Variants in UBOX5 observed in about 807,000 individuals in gnomAD.
UBOX5 encodes U-box domain containing 5.
A neutral mutation model predicts 39.0 loss-of-function variants in UBOX5; 28 were observed. That is an observed-to-expected ratio of 0.72 (90% CI 0.53 to 0.98). UBOX5 has a LOEUF of 0.98. Among genes scored for constraint, UBOX5 ranks in the 50% least tolerant of loss-of-function variants. The pLI is 0.00. For synonymous variants in UBOX5, 283 were observed against 275.5 expected (o/e 1.03, Z -0.27); for missense variants, 585 against 674.4 (o/e 0.87, Z 1.47).
chr20:3,126,662 A>AGGAGGGAAGAGAG (rs1480993574), intron 1 of UBOX5, among the ~76,000 whole-genome samples: 2 of 150,920 alleles, frequency 1.3e-5, no homozygotes, highest in African/African-American at 4.9e-5. Flanking sequence ...AAGACAGAGA[A>AGGAGGGAAGAGAG]GGAGGGAAGA....
intron 4 of UBOX5, among the ~76,000 whole-genome samples, chr20:3,114,018 C>CA (rs560108844): frequency 2.4e-4 from 37 of 152,252 alleles, no homozygotes; most frequent in African/African-American, 7.7e-4. Flanking sequence ...CCTGTAATCC[C>CA]AGCTACTTGG....
intron 1 of UBOX5, among the ~76,000 whole-genome samples, chr20:3,154,074 A>G (rs2066660122): frequency 6.6e-6 from 1 of 152,212 alleles, no homozygotes; most frequent in Non-Finnish European, 1.5e-5. Flanking sequence ...CAAAGTAAGG[A>G]GAGCTACCAC....
chr20:3,150,939 G>A (rs144364047), intron 1 of UBOX5: 73 of 152,238 alleles, frequency 4.8e-4, no homozygotes, highest in African/African-American at 1.7e-3. Context: ...TTGGAGTATA[G>A]TGGCATGATA....
chr20:3,115,351 AAGGT>A lies in UBOX5; in HGVS notation c.1367_1370del (p.His456LeufsTer66). The A allele has an allele frequency of 6.2e-7, 1 of 1,613,958 alleles. No homozygotes were observed. The highest frequency in any genetic ancestry group is 8.5e-7 in the Non-Finnish European group (1 of 1,179,926). ...AGGAAGTGTTGCTCCCTCTTGTGCC[AAGGT>A]GCTGGAGCTGTCCCCTGGTCAGCCG... On this transcript the variant is annotated frameshift_variant, in exon 4 of 5. Coordinates refer to ENST00000217173, the MANE Select transcript of UBOX5 (RefSeq NM_014948.4). LOFTEE classifies it high-confidence loss of function.
At chr20:3,113,181 T>A (rs1477305663) in intron 4 of UBOX5, among the ~76,000 whole-genome samples, 2 of 140,456 alleles carry the variant, frequency 1.4e-5, no homozygotes, top group Admixed American at 7.4e-5. Context: ...CAGCTACTAG[T>A]GGGGGCTGAG....
chr20:3,116,658 G>A (rs568724967), intron 3 of UBOX5: 3 of 152,304 alleles, frequency 2.0e-5, no homozygotes, highest in Admixed American at 1.3e-4. Context: ...AGGAGTTTCT[G>A]AAGGTCATGT....
At chr20:3,131,249 C>G (rs2066427245) in intron 1 of UBOX5, among the ~76,000 whole-genome samples, 1 of 151,682 alleles carries the variant, frequency 6.6e-6, no homozygotes, top group Non-Finnish European at 1.5e-5. Flanking sequence ...AAAGAAAATG[C>G]CTCTTTGAAC....
chr20:3,109,548 GGTGC>G lies in UBOX5; in HGVS notation c.*554_*557del. 24 of 162,968 alleles carry G rather than the reference GGTGC, an allele frequency of 1.5e-4. No homozygotes were observed. The highest frequency in any genetic ancestry group is 1.3e-3 in the South Asian group (8 of 5,954). The allele number at this position is 162,968 out of a possible 1,614,324, so 10.1% of individuals were successfully genotyped here. A position where few individuals can be genotyped will look rare whatever the true frequency, so the allele number is the denominator to read the frequency against. On this transcript the variant is annotated 3_prime_UTR_variant, in exon 5 of 5. Coordinates refer to ENST00000217173, the MANE Select transcript of UBOX5 (RefSeq NM_014948.4). ...CTACCCTGTGAGCTCCACTTGTGTG[GGTGC>G]AGGTGGGCGACAGGAGTGTGTGACA...
intron 1 of UBOX5, among the ~76,000 whole-genome samples, chr20:3,125,920 C>A (rs554720080): frequency 3.6e-4 from 55 of 151,834 alleles, no homozygotes; most frequent in African/African-American, 1.3e-3. Flanking sequence ...CCAGCCGCCC[C>A]GTCTGGGAAG....
chr20:3,128,934 G>A (rs1269706455), intron 1 of UBOX5, among the ~76,000 whole-genome samples: 1 of 152,154 alleles, frequency 6.6e-6, no homozygotes, highest in Non-Finnish European at 1.5e-5. Flanking sequence ...ATATAGAAAT[G>A]TGGAAACCTT....
chr20:3,149,672 T>C lies in UBOX5; in HGVS notation c.-42+10094A>G, dbSNP rs147474024. On this transcript the variant is annotated intron_variant, in intron 1 of 4. Transcript: ENST00000217173. The surrounding 1 kb of genome is among the most constrained non-coding windows in gnomAD (Gnocchi z 4.1). ...ACAGGTCCTACCTGAAGAATGTTTA[T>C]AAAAACTGCTATGCTAACAGCACTA... 1.8e-3 allele frequency among the ~76,000 whole-genome samples: 267 copies of C among 152,330 alleles called. No individual in the cohort carries two copies. Among genetic ancestry groups the C allele is most frequent in the African/African-American group, 6.2e-3 (257 of 41,586 alleles).
chr20:3,110,638 A>T, intron 4 of UBOX5: 1 of 381,652 alleles, frequency 2.6e-6, no homozygotes, highest in Non-Finnish European at 5.0e-6. Flanking sequence ...ATAGGTGGCC[A>T]AGGCTGGAGC....
intron 1 of UBOX5, among the ~76,000 whole-genome samples, chr20:3,159,488 T>C (rs1417271937): frequency 6.6e-6 from 1 of 152,222 alleles, no homozygotes; most frequent in Non-Finnish European, 1.5e-5. Context: ...GTGAGACAAG[T>C]ACTGTTACGA....
At position 3,149,101 on chromosome 20, in the gene UBOX5, C is replaced by G; in HGVS notation, c.-42+10665G>C. 1 of 1,580,490 alleles carries G rather than the reference C, an allele frequency of 6.3e-7. No individual in the cohort carries two copies. The highest frequency in any genetic ancestry group is 8.6e-7 in the Non-Finnish European group (1 of 1,163,302). ...TGTCAGTATTGATCTCTTTGGCAGTCAGAATACAGTCCTCACAGATTTGAC... is the reference window on the plus strand; with the variant it reads ...TGTCAGTATTGATCTCTTTGGCAGTGAGAATACAGTCCTCACAGATTTGAC... On this transcript the variant is annotated intron_variant, in intron 1 of 4. Transcript: ENST00000217173. The surrounding 1 kb of genome is among the most constrained non-coding windows in gnomAD (Gnocchi z 4.1).
chr20:3,111,733 A>G (rs1284546649), intron 4 of UBOX5: 1 of 152,510 alleles, frequency 6.6e-6, no homozygotes, highest in Non-Finnish European at 1.5e-5. Flanking sequence ...AGAGCCCACC[A>G]GCCCTTCTCA....
intron 4 of UBOX5, 57 bp downstream of exon 4, chr20:3,115,248 G>A: frequency 6.5e-7 from 1 of 1,550,080 alleles, no homozygotes; most frequent in Non-Finnish European, 8.7e-7. Context: ...AGCATCCAGA[G>A]ACAGAAAACA....
rs1308597556 is a variant in UBOX5, at chr20:3,110,315, C to T, written c.1418-1G>A. 1 of 1,613,898 alleles carries T rather than the reference C, an allele frequency of 6.2e-7. No individual in the cohort carries two copies. Among genetic ancestry groups the T allele is most frequent in the Non-Finnish European group, 8.5e-7 (1 of 1,179,974 alleles). ...GGGCCCAGGATGCTCCCAGGCTGCT[C>T]TGGTAAATCAGGAAGGAAAACAGGC... On this transcript the variant is annotated splice_acceptor_variant, in intron 4 of 4. Coordinates refer to ENST00000217173, the MANE Select transcript of UBOX5 (RefSeq NM_014948.4). LOFTEE classifies it high-confidence loss of function.
intron 1 of UBOX5, chr20:3,147,981 G>A (rs757258714): frequency 1.2e-5 from 19 of 1,614,136 alleles, no homozygotes; most frequent in South Asian, 1.1e-4. Context: ...TGAGTGAAAC[G>A]GAACATTTTA....
intron 1 of UBOX5, chr20:3,147,010 T>C: frequency 6.2e-7 from 1 of 1,614,220 alleles, no homozygotes; most frequent in Non-Finnish European, 8.5e-7. Flanking sequence ...GCATGCAGGC[T>C]GCGGGGCACA....
Sources: allele counts gnomAD v4.1 joint callset (sites outside exome capture counted in the v4.1 genomes callset), GRCh38; gene constraint gnomAD v4.1.1; non-coding constraint Gnocchi (gnomAD v3.1); transcripts MANE v1.5; gene names NCBI Gene and HGNC (gene_info 2026-07-23, HGNC 2026-07-21).